Variants in FREM2 observed in about 807,000 individuals in gnomAD.
The protein encoded by FREM2 is FRAS1-related extracellular matrix protein 2.
In FREM2, 119 loss-of-function variants were observed where a neutral mutation model predicts 219.9. The ratio of observed to expected loss-of-function variants is 0.54; its 90% CI spans 0.47 to 0.63. The LOEUF (loss-of-function observed/expected upper bound fraction) is 0.63, where lower values mean the gene tolerates loss of function less well. Ranked by LOEUF, FREM2 falls within the 30% of genes least tolerant of loss-of-function variation. The probability of loss-of-function intolerance (pLI) is 0.00; values close to 1 mark genes in which losing one functional copy is unlikely to be tolerated. For missense variants in FREM2, 4,030 were observed against 3,993.6 expected, an observed-to-expected ratio of 1.01 and a Z score of -0.25; for synonymous variants, 1,562 against 1,522.8, an observed-to-expected ratio of 1.03 and a Z score of -0.60.
chr13:38,777,206 A>T (rs978920402), intron 4 of FREM2, among the ~76,000 whole-genome samples: 1 of 152,142 alleles, frequency 6.6e-6, no homozygotes, highest in Non-Finnish European at 1.5e-5. Flanking sequence ...AAAATACTGG[A>T]TTTTAAAAAG....
At chr13:38,700,716 C>T (rs1870310615) in intron 2 of FREM2, among the ~76,000 whole-genome samples, 1 of 152,040 alleles carries the variant, frequency 6.6e-6, no homozygotes, top group Admixed American at 6.6e-5. Context: ...AGGCTGCTTT[C>T]AATCTCAAAT....
chr13:38,721,991 G>A (rs899654852), intron 2 of FREM2, among the ~76,000 whole-genome samples: 7 of 152,012 alleles, frequency 4.6e-5, no homozygotes, highest in African/African-American at 1.7e-4. Flanking sequence ...CTAAATCCCT[G>A]GTACTGGGAC....
chr13:38,871,879 A>G (rs1360036615), intron 16 of FREM2, among the ~76,000 whole-genome samples: 1 of 152,224 alleles, frequency 6.6e-6, no homozygotes, highest in Non-Finnish European at 1.5e-5. Context: ...GGAGGAAAGT[A>G]TAAAATTCAA....
intron 4 of FREM2, among the ~76,000 whole-genome samples, chr13:38,774,454 CAATATAG>C (rs1461518263): frequency 6.6e-6 from 1 of 152,022 alleles, no homozygotes; most frequent in East Asian, 1.9e-4. Flanking sequence ...TTACAATTAA[CAATATAG>C]AATGCTACGT....
In FREM2 at chr13:38,687,639, G is replaced by C. The variant is rs1869533846; in HGVS notation, c.295G>C (p.Val99Leu). The change falls in exon 1 of 24, where the codon GTG becomes CTG. Residue 99 changes from valine (V) to leucine (L), a missense_variant. Transcript: ENST00000280481. ...LDPLHDLVLQVQPGDRCAVSV... is the reference protein window; with the variant it reads ...LDPLHDLVLQLQPGDRCAVSV... ...TCCCCTGCATGACCTGGTGTTGCAGGTGCAGCCCGGGGACCGCTGCGCGGT... is the reference window on the plus strand; with the variant it reads ...TCCCCTGCATGACCTGGTGTTGCAGCTGCAGCCCGGGGACCGCTGCGCGGT... 6.2e-7 allele frequency: 1 copy of C among 1,608,158 alleles called. No individual in the cohort carries two copies.
In FREM2 at chr13:38,690,432, G is replaced by C. The variant is rs1396187295; in HGVS notation, c.3088G>C (p.Asp1030His). The C allele has an allele frequency of 6.2e-7, 1 of 1,614,206 alleles. No homozygotes were observed. Among genetic ancestry groups the C allele is most frequent in the South Asian group, 1.1e-5 (1 of 91,086 alleles). The change falls in exon 1 of 24, where the codon GAT (aspartate) becomes CAT (histidine). Residue 1030 changes from aspartate (D) to histidine (H), a missense_variant. Coordinates refer to ENST00000280481, the MANE Select transcript of FREM2 (RefSeq NM_207361.6). ...TGAGATAGGCCTATTGCCTAAAGCG[G>C]ATTCTTTTAACCTGAGTCTGTCAGA... ...SGEIGLLPKADSFNLSLSDMS... is the reference protein window; with the variant it reads ...SGEIGLLPKAHSFNLSLSDMS...
chr13:38,738,954 G>A (rs528534440), intron 2 of FREM2, among the ~76,000 whole-genome samples: 19 of 152,240 alleles, frequency 1.2e-4, no homozygotes, highest in African/African-American at 3.6e-4. Flanking sequence ...TATTGCACTC[G>A]GCAAGGTAAC....
intron 8 of FREM2, 79 bp downstream of exon 8, chr13:38,848,749 A>G: frequency 8.2e-7 from 1 of 1,225,698 alleles, no homozygotes; most frequent in Non-Finnish European, 1.2e-6. Flanking sequence ...GATAAGCAAG[A>G]TGATTATATA....
chr13:38,690,016 A>T lies in FREM2; in HGVS notation c.2672A>T (p.His891Leu). 1 of 1,613,978 alleles carries T rather than the reference A, an allele frequency of 6.2e-7. No homozygotes were observed. Among genetic ancestry groups the T allele is most frequent in the Non-Finnish European group, 8.5e-7 (1 of 1,180,018 alleles). Residue 891 changes from histidine (H) to leucine (L), a missense_variant, in exon 1 of 24, where the codon CAC (histidine) becomes CTC (leucine). Around this residue, in one of 2 missense-constraint regions of FREM2, gnomAD observed 3,102 missense variants for 2,950.7 expected, o/e 1.05. Coordinates refer to ENST00000280481, the MANE Select transcript of FREM2 (RefSeq NM_207361.6). ...GQILHVGGLF[H>L]LEDIKQGRVS... is the part of the protein sequence containing the mutation. ...ATCCTGCATGTAGGGGGTCTCTTCC[A>T]CTTGGAGGACATAAAACAGGGCCGA...
chr13:38,846,603 A>G lies in FREM2; in HGVS notation c.6050A>G (p.Tyr2017Cys), dbSNP rs1877163696. Residue 2017 changes from tyrosine (Y) to cysteine (C), a missense_variant, in exon 7 of 24, where the codon TAC (tyrosine) becomes TGC (cysteine). This residue lies in a region of FREM2 where 3,102 missense variants were observed against 2,950.7 expected (regional missense o/e 1.05). Transcript: ENST00000280481. The part of the protein sequence containing the change: ...EPIFYFGDVE[Y>C]SVDESAGYVE... ...ATCTTTTACTTCGGTGATGTGGAAT[A>G]CTCTGTGGATGAGAGTGCTGGCTAT... 1 of 1,613,592 alleles carries G rather than the reference A, an allele frequency of 6.2e-7. No homozygotes were observed. Among genetic ancestry groups the G allele is most frequent in the Non-Finnish European group, 8.5e-7 (1 of 1,179,792 alleles).
At chr13:38,750,182 G>A (rs1256834454) in intron 2 of FREM2, among the ~76,000 whole-genome samples, 2 of 152,022 alleles carry the variant, frequency 1.3e-5, no homozygotes, top group African/African-American at 4.8e-5. Flanking sequence ...ATATGGTTTG[G>A]CTCTGTGTCC....
At chr13:38,745,017 G>A (rs984204090) in intron 2 of FREM2, among the ~76,000 whole-genome samples, 12 of 152,066 alleles carry the variant, frequency 7.9e-5, no homozygotes, top group African/African-American at 2.9e-4. Context: ...ATATATTCTG[G>A]CCCTTGTTTT....
At chr13:38,759,799 G>C (rs1873158530) in intron 2 of FREM2, among the ~76,000 whole-genome samples, 1 of 152,214 alleles carries the variant, frequency 6.6e-6, no homozygotes, top group Middle Eastern at 3.2e-3. Context: ...TCAGTAAGCT[G>C]TAGCTTTTGT....
Position 38,752,605 on chromosome 13 carries a change from A to T in FREM2, c.5264-11699A>T, listed in dbSNP as rs552055336. ...TTTGGTAATAATGGAAACAAGTCAG[A>T]TTAAAAAAATGTTTTCTTATTAACT... On this transcript the variant is annotated intron_variant, in intron 2 of 23. Coordinates refer to ENST00000280481, the MANE Select transcript of FREM2 (RefSeq NM_207361.6). Among the ~76,000 whole-genome samples the T allele has an allele frequency of 9.2e-5, 14 of 152,332 alleles. No homozygotes were observed. The East Asian group carries it at 2.7e-3, about 29-fold the overall frequency.
chr13:38,778,679 A>G (rs528917784), intron 4 of FREM2, among the ~76,000 whole-genome samples: 1 of 152,220 alleles, frequency 6.6e-6, no homozygotes, highest in South Asian at 2.1e-4. Context: ...AGATCAGGAA[A>G]AATAACCAAT....
intron 2 of FREM2, among the ~76,000 whole-genome samples, chr13:38,756,554 G>A (rs1473934556): frequency 7.7e-6 from 1 of 129,920 alleles, no homozygotes; most frequent in African/African-American, 3.0e-5. Flanking sequence ...TTGAGACGGA[G>A]TGTCACTCTG....
At chr13:38,796,591 A>C (rs1174252090) in intron 6 of FREM2, among the ~76,000 whole-genome samples, 2 of 152,044 alleles carry the variant, frequency 1.3e-5, no homozygotes, top group African/African-American at 4.8e-5. Context: ...CCATGTCCAT[A>C]TTTCAGTTCT....
At chr13:38,755,903 A>G (rs568470674) in intron 2 of FREM2, among the ~76,000 whole-genome samples, 1 of 152,196 alleles carries the variant, frequency 6.6e-6, no homozygotes, top group African/African-American at 2.4e-5. Flanking sequence ...TATACCCTCA[A>G]ATTAGCAGGT....
intron 6 of FREM2, among the ~76,000 whole-genome samples, chr13:38,846,217 TAAA>T (rs138940069): frequency 5.8e-5 from 8 of 138,066 alleles, no homozygotes; most frequent in Admixed American, 7.1e-5. Context: ...TTGGCCAAAG[TAAA>T]AAAAAAAAAA....
Sources: gnomAD v4.1 joint callset for allele counts (sites outside exome capture counted in the v4.1 genomes callset) on GRCh38, gnomAD v4.1.1 for gene constraint, gnomAD v4.1.1 regional missense constraint, MANE v1.5 for transcripts, NCBI Gene and HGNC (gene_info 2026-07-23, HGNC 2026-07-21) for gene names.